The following CCDC40 variants were observed in gnomAD, a reference collection of about 807,000 sequenced individuals.
CCDC40 encodes the protein coiled-coil domain-containing protein 40.
CCDC40 carries 104 observed loss-of-function variants against 124.5 expected under a neutral mutation model. That is an observed-to-expected ratio of 0.84 (90% CI 0.71 to 0.98). The LOEUF is 0.98. CCDC40 is among the 50% of genes least tolerant of loss of function. The probability of loss-of-function intolerance (pLI) is 0.00; values close to 1 mark genes in which losing one functional copy is unlikely to be tolerated. For synonymous variants in CCDC40, 580 were observed against 602.9 expected, an observed-to-expected ratio of 0.96 and a Z score of 0.56; for missense variants, 1,463 against 1,503.9, an observed-to-expected ratio of 0.97 and a Z score of 0.45.
intron 18 of CCDC40, among the ~76,000 whole-genome samples, chr17:80,096,997 G>A (rs975704610): frequency 3.3e-5 from 5 of 152,196 alleles, no homozygotes; most frequent in African/African-American, 7.2e-5. Context: ...CCCACTGCAC[G>A]GGGAGCCCCA....
intron 10 of CCDC40, among the ~76,000 whole-genome samples, chr17:80,076,651 G>A (rs2038318361): frequency 6.9e-6 from 1 of 144,360 alleles, no homozygotes; most frequent in Non-Finnish European, 1.5e-5. Flanking sequence ...TCAGCAGCCA[G>A]CAACATCAAT....
Position 80,048,591 on chromosome 17 carries a change from C to T in CCDC40, c.685C>T (p.Pro229Ser). 6.2e-7 allele frequency: 1 copy of T among 1,613,428 alleles called. No individual in the cohort carries two copies. Among genetic ancestry groups the T allele is most frequent in the Non-Finnish European group, 8.5e-7 (1 of 1,179,662 alleles). ...GCTGTCTCTCCCCCCAGTGATCCCC[C>T]CAGGGGTGCCCGATGCCCACCCCAG... ...EFVSQEPVIP[P>S]GVPDAHPREG... is the part of the protein sequence containing the mutation. Residue 229 changes from proline (P) to serine (S), a missense_variant, in exon 5 of 20, where the codon CCA (proline) becomes TCA (serine). By Grantham distance (74) the Pro-to-Ser change is moderately conservative. Transcript: ENST00000397545.
intron 17 of CCDC40, among the ~76,000 whole-genome samples, chr17:80,093,039 C>T (rs2038748574): frequency 6.6e-6 from 1 of 152,172 alleles, no homozygotes; most frequent in South Asian, 2.1e-4. Flanking sequence ...ACCGAACTAC[C>T]GTCCAGTCCT....
At chr17:80,054,085 TA>T (rs2037676488) in intron 7 of CCDC40, among the ~76,000 whole-genome samples, 1 of 151,664 alleles carries the variant, frequency 6.6e-6, no homozygotes, top group African/African-American at 2.4e-5. Flanking sequence ...AGCAGAAAAA[TA>T]AACCAATAAA....
intron 10 of CCDC40, among the ~76,000 whole-genome samples, chr17:80,076,270 A>C (rs183319558): frequency 2.0e-5 from 3 of 152,006 alleles, no homozygotes; most frequent in Non-Finnish European, 2.9e-5. Flanking sequence ...GAGTCAATCC[A>C]TTGTCTTATT....
intron 2 of CCDC40, among the ~76,000 whole-genome samples, 156 bp downstream of exon 2, chr17:80,038,342 C>T (rs2037182570): frequency 6.6e-6 from 1 of 151,810 alleles, no homozygotes; most frequent in Non-Finnish European, 1.5e-5. Flanking sequence ...ACAAGCCTGG[C>T]CAACATGGTA....
Position 80,040,018 on chromosome 17 carries a change from T to A in CCDC40, c.300T>A (p.Thr100=). Residue 100 remains threonine, a synonymous_variant, in exon 3 of 20, where the codon ACT becomes ACA. Transcript: ENST00000397545. ...AAGAGGAATATTACTATACAGAAAC[T>A]TCATCCCCGGAAGGGCAAATCAGTG... ...ESEEEYYYTE[T]SSPEGQISAA... is the part of the protein sequence containing the mutation. The A allele has an allele frequency of 6.2e-7, 1 of 1,614,120 alleles. No homozygotes were observed. The highest frequency in any genetic ancestry group is 8.5e-7 in the Non-Finnish European group (1 of 1,180,008).
chr17:80,049,867 A>T (rs1369705532), intron 5 of CCDC40, 39 bp from the exon 6 acceptor site: 2 of 1,585,674 alleles, frequency 1.3e-6, no homozygotes, highest in South Asian at 1.1e-5. Flanking sequence ...CAGGAGGGTA[A>T]CCAGAAAGGT....
chr17:80,081,400 A>AAATAAATAAATAAATAAATG, intron 10 of CCDC40, 146 bp from the exon 11 acceptor site: 1 of 556,278 alleles, frequency 1.8e-6, no homozygotes, highest in Non-Finnish European at 3.1e-6. Flanking sequence ...ATAAATAAAT[A>AAATAAATAAATAAATAAATG]AATAAATAAA....
At chr17:80,099,118 T>TAA (rs374247833) in intron 19 of CCDC40, among the ~76,000 whole-genome samples, 1 of 140,984 alleles carries the variant, frequency 7.1e-6, no homozygotes, top group African/African-American at 2.6e-5. Context: ...CTGTCTCTAC[T>TAA]AAAAAAAAAA....
intron 17 of CCDC40, among the ~76,000 whole-genome samples, chr17:80,092,622 T>C (rs529185928): frequency 6.6e-6 from 1 of 152,140 alleles, no homozygotes. Context: ...TCTGTTCTCT[T>C]TTTTTAGAGA....
At chr17:80,095,502 C>G in intron 18 of CCDC40, 51 bp downstream of exon 18, 1 of 1,567,154 alleles carries the variant, frequency 6.4e-7, no homozygotes, top group Non-Finnish European at 8.8e-7. Context: ...CTCTGGGATT[C>G]AAGGAACACT....
rs2038584747 is a variant in CCDC40 at position 80,086,186 on chromosome 17, A to T, written c.2419A>T (p.Ile807Phe). 6.2e-7 allele frequency: 1 copy of T among 1,612,294 alleles called. No individual in the cohort carries two copies. Among genetic ancestry groups the T allele is most frequent in the African/African-American group, 1.3e-5 (1 of 74,848 alleles). The change falls in exon 14 of 20, where the codon ATC becomes TTC. Residue 807 changes from isoleucine to phenylalanine, a missense_variant. Coordinates refer to ENST00000397545, the MANE Select transcript of CCDC40 (RefSeq NM_017950.4). The surrounding 1 kb of genome is among the most constrained non-coding windows in gnomAD (Gnocchi z 5.5). ...GGACGCATCCAAGAAGGAGCTCCAC[A>T]TCATGGAGCAGAAGAAACTACGAGT... ...SLDASKKELH[I>F]MEQKKLRVES...
intron 10 of CCDC40, chr17:80,065,949 C>A: frequency 1.6e-6 from 1 of 617,916 alleles, no homozygotes; most frequent in East Asian, 2.7e-5. Context: ...GCGGAAACCC[C>A]ATCCCTTCTC....
rs971439569 is a variant in CCDC40, at chr17:80,048,862, C to T, written c.855+101C>T. 2.0e-5 allele frequency: 21 copies of T among 1,068,136 alleles called. No individual in the cohort carries two copies. In the South Asian group the frequency reaches 2.8e-4, roughly 14 times the overall value. 66.2% of individuals were successfully genotyped at this position (1,068,136 alleles called of 1,614,324 possible). A position where few individuals can be genotyped will look rare whatever the true frequency, so the allele number is the denominator to read the frequency against. On this transcript the variant is annotated intron_variant, in intron 5 of 19. Transcript: ENST00000397545. ...TGTCTCCCACTCCTGACCCTAAATGCTGTACTTGTATCTCGCCTGTTCACT... is the reference window on the plus strand; with the variant it reads ...TGTCTCCCACTCCTGACCCTAAATGTTGTACTTGTATCTCGCCTGTTCACT...
intron 7 of CCDC40, among the ~76,000 whole-genome samples, chr17:80,055,231 C>T (rs535511697): frequency 6.6e-5 from 10 of 151,854 alleles, no homozygotes; most frequent in South Asian, 2.1e-4. Flanking sequence ...GCTCCAGCAA[C>T]GCAAAGAAAA....
rs1568691353 is a variant in CCDC40 at position 80,065,575 on chromosome 17, G to GAGGCGCACAGGGC, written c.1532_1544dup (p.Val516GlyfsTer24). The GAGGCGCACAGGGC allele has an allele frequency of 6.2e-7, 1 of 1,612,864 alleles. No individual in the cohort carries two copies. The highest frequency in any genetic ancestry group is 8.5e-7 in the Non-Finnish European group (1 of 1,179,898). ...CCTGGTGGGCATGAAGCACCGCGAC[G>GAGGCGCACAGGGC]AGGCGCACAGGGCGGTGCTGGAGGC... On this transcript the variant is annotated frameshift_variant, in exon 10 of 20. Transcript: ENST00000397545. LOFTEE classifies it high-confidence loss of function.
At chr17:80,073,704 TTTTA>T (rs770068379) in intron 10 of CCDC40, among the ~76,000 whole-genome samples, 46 of 152,110 alleles carry the variant, frequency 3.0e-4, no homozygotes, top group Non-Finnish European at 5.9e-4. Flanking sequence ...TTTATTTTTA[TTTTA>T]TTTATTTATT....
At chr17:80,072,451 CTG>C (rs1243046307) in intron 10 of CCDC40, among the ~76,000 whole-genome samples, 10 of 152,112 alleles carry the variant, frequency 6.6e-5, no homozygotes, top group Non-Finnish European at 1.3e-4. Flanking sequence ...CAGTTTGTAA[CTG>C]TATCTTTTTA....
Sources: allele counts gnomAD v4.1 joint callset (sites outside exome capture counted in the v4.1 genomes callset), GRCh38; gene constraint gnomAD v4.1.1; non-coding constraint Gnocchi (gnomAD v3.1); transcripts MANE v1.5; gene names NCBI Gene and HGNC (gene_info 2026-07-23, HGNC 2026-07-21).